Variants in GALNT16 observed in about 807,000 individuals in gnomAD.
GALNT16 encodes the protein UDP-GalNAc:polypeptide N-acetylgalactosaminyltransferase-like protein 1.
Under a neutral mutation model 76.1 loss-of-function variants are expected in GALNT16, and 40 were observed. The observed-to-expected ratio is 0.53, with a 90% confidence interval of 0.41 to 0.68. The LOEUF (loss-of-function observed/expected upper bound fraction) is 0.68. Ranked by LOEUF, GALNT16 falls within the 30% of genes least tolerant of loss-of-function variation. The pLI, the probability that GALNT16 is intolerant of heterozygous loss-of-function variation, is 0.00. For missense variants in GALNT16, 621 were observed against 731.9 expected (o/e 0.85, Z 1.75); for synonymous variants, 276 against 285.2 (o/e 0.97, Z 0.32).
intron 1 of GALNT16, among the ~76,000 whole-genome samples, chr14:69,284,706 GAT>G (rs927211216): frequency 2.6e-5 from 4 of 152,188 alleles, no homozygotes; most frequent in Admixed American, 1.3e-4. Context: ...AACGGGGACT[GAT>G]ATGGTTTGGC....
chr14:69,351,773 C>T (rs1051600209), intron 14 of GALNT16: 18 of 342,160 alleles, frequency 5.3e-5, no homozygotes, highest in Non-Finnish European at 8.0e-5. Flanking sequence ...ATTAGCTGGG[C>T]GTGGTGGCAT....
chr14:69,345,949 G>A (rs2045557346), intron 12 of GALNT16, among the ~76,000 whole-genome samples: 1 of 152,062 alleles, frequency 6.6e-6, no homozygotes. Flanking sequence ...ATGCAGTGGT[G>A]GCATTATGGC....
chr14:69,367,567 G>C, the GALNT16 span, among the ~76,000 whole-genome samples: 1 of 151,324 alleles, frequency 6.6e-6, no homozygotes, highest in South Asian at 2.1e-4. Context: ...CCCAGTCTAT[G>C]GTACTTCGTT....
intron 5 of GALNT16, 39 bp downstream of exon 5, chr14:69,326,066 T>C: frequency 6.6e-7 from 1 of 1,506,538 alleles, no homozygotes; most frequent in Non-Finnish European, 9.2e-7. Context: ...AGGGCCCATC[T>C]TGGTGTCATC....
At chr14:69,308,728 G>A (rs1409127825) in intron 1 of GALNT16, among the ~76,000 whole-genome samples, 1 of 152,192 alleles carries the variant, frequency 6.6e-6, no homozygotes, top group Admixed American at 6.5e-5. Context: ...GCTCCAGAGA[G>A]CACAGGAATG....
the GALNT16 span, among the ~76,000 whole-genome samples, chr14:69,365,720 A>G: frequency 2.6e-5 from 4 of 152,200 alleles, no homozygotes; most frequent in Non-Finnish European, 5.9e-5. Flanking sequence ...GCAAACCAGC[A>G]TGGCACACGT....
At chr14:69,280,306 T>C (rs188472723) in intron 1 of GALNT16, among the ~76,000 whole-genome samples, 1 of 152,352 alleles carries the variant, frequency 6.6e-6, no homozygotes, top group African/African-American at 2.4e-5. Context: ...GTGTCTTTTG[T>C]GATGGCTCAT....
chr14:69,358,240 C>T (rs1219790383), downstream of GALNT16: 1 of 152,300 alleles, frequency 6.6e-6, no homozygotes, highest in Non-Finnish European at 1.5e-5. Flanking sequence ...AGGGCCACCT[C>T]GATGGGGTCT....
chr14:69,358,855 T>A (rs2045708045), downstream of GALNT16: 1 of 152,256 alleles, frequency 6.6e-6, no homozygotes, highest in African/African-American at 2.4e-5. Context: ...CGGCTTCCAC[T>A]CTCTCTTCCT....
At chr14:69,378,570 A>G in the GALNT16 span, among the ~76,000 whole-genome samples, 1 of 152,238 alleles carries the variant, frequency 6.6e-6, no homozygotes, top group Admixed American at 6.5e-5. Flanking sequence ...TATGGGACAT[A>G]GACAAATGTT....
chr14:69,297,817 G>A (rs562228760), intron 1 of GALNT16, among the ~76,000 whole-genome samples: 4 of 152,150 alleles, frequency 2.6e-5, no homozygotes, highest in Non-Finnish European at 4.4e-5. Flanking sequence ...TGACATAATC[G>A]TCGGTGATGA....
At chr14:69,273,685 A>T (rs1350743161) in intron 1 of GALNT16, among the ~76,000 whole-genome samples, 2 of 152,228 alleles carry the variant, frequency 1.3e-5, no homozygotes. Context: ...CTTGGGCCAG[A>T]ATCCTAGCTA....
the GALNT16 span, among the ~76,000 whole-genome samples, chr14:69,362,954 T>A: frequency 6.6e-6 from 1 of 152,242 alleles, no homozygotes; most frequent in Non-Finnish European, 1.5e-5. Flanking sequence ...AAACCTTGCT[T>A]CATGACACTT....
chr14:69,347,414 C>T (rs1041262916), intron 13 of GALNT16, among the ~76,000 whole-genome samples: 1 of 152,174 alleles, frequency 6.6e-6, no homozygotes, highest in African/African-American at 2.4e-5. Context: ...AAGAGCTGCC[C>T]AGATAGTGCC....
chr14:69,288,572 G>T (rs930261923), intron 1 of GALNT16, among the ~76,000 whole-genome samples: 5 of 152,146 alleles, frequency 3.3e-5, no homozygotes, highest in African/African-American at 1.2e-4. Context: ...CATTGACCGA[G>T]CACCTAGCCA....
At chr14:69,362,023 T>C (rs1010536629), downstream of GALNT16, among the ~76,000 whole-genome samples, 2 of 151,860 alleles carry the variant, frequency 1.3e-5, no homozygotes, top group East Asian at 1.9e-4. Flanking sequence ...AATAAATAAA[T>C]AATAAAGTCA....
At chr14:69,280,455 C>T (rs1474408775) in intron 1 of GALNT16, among the ~76,000 whole-genome samples, 2 of 152,202 alleles carry the variant, frequency 1.3e-5, no homozygotes, top group African/African-American at 4.8e-5. Context: ...CAGTGAACCT[C>T]CCGGGCTGCT....
rs1279306260 is a variant in GALNT16 at position 69,347,149 on chromosome 14, A to G, written c.1381A>G (p.Arg461Gly). Residue 461 changes from arginine to glycine, a missense_variant, in exon 13 of 15, where the codon AGA becomes GGA. Physicochemically the swap from Arg to Gly is moderately radical, Grantham distance 125 (BLOSUM62 -2). Transcript: ENST00000448469. ...GDFLLGMGIC[R>G]GSAKNPQPAQ... ...CTTCCTGCTTGGAATGGGGATCTGC[A>G]GAGGGTCTGCCAAGAACCCGCAGCC... The G allele has an allele frequency of 1.9e-6, 3 of 1,613,458 alleles. No individual in the cohort carries two copies. In the East Asian group the frequency reaches 6.7e-5, roughly 36 times the overall value.
At chr14:69,368,090 A>C in the GALNT16 span, among the ~76,000 whole-genome samples, 1 of 152,242 alleles carries the variant, frequency 6.6e-6, no homozygotes, top group East Asian at 1.9e-4. Flanking sequence ...CATAGCACAG[A>C]AGAGGACAGA....
Sources: allele counts gnomAD v4.1 joint callset (sites outside exome capture counted in the v4.1 genomes callset), GRCh38; gene constraint gnomAD v4.1.1; transcripts MANE v1.5; gene names NCBI Gene and HGNC (gene_info 2026-07-23, HGNC 2026-07-21).